The following SYCP1 variants were observed in gnomAD, a reference collection of about 807,000 sequenced individuals.
SYCP1 encodes the protein cancer/testis antigen 8.
In SYCP1, 64 loss-of-function variants were observed where a neutral mutation model predicts 153.1. The observed-to-expected ratio is 0.42, with a 90% CI of 0.34 to 0.51. The LOEUF (loss-of-function observed/expected upper bound fraction) is 0.51, where lower values mean the gene tolerates loss of function less well. SYCP1 is among the 20% of genes least tolerant of loss of function. SYCP1 has a pLI of 0.06. For missense variants in SYCP1, 997 were observed against 1,049.0 expected (o/e 0.95, Z 0.68); for synonymous variants, 384 against 341.8 (o/e 1.12, Z -1.36).
intron 16 of SYCP1, among the ~76,000 whole-genome samples, chr1:114,895,956 ACTGT>A (rs1667033263): frequency 6.6e-6 from 1 of 152,148 alleles, no homozygotes; most frequent in Admixed American, 6.5e-5. Flanking sequence ...GGGTCAGCAA[ACTGT>A]CTGTAGAGGA....
chr1:114,922,256 A>C (rs1025244470), intron 20 of SYCP1, among the ~76,000 whole-genome samples: 1 of 152,096 alleles, frequency 6.6e-6, no homozygotes, highest in African/African-American at 2.4e-5. Flanking sequence ...TTTAAGGCCA[A>C]TGACTCTTAG....
intron 16 of SYCP1, among the ~76,000 whole-genome samples, chr1:114,898,189 T>G (rs1667185197): frequency 6.6e-6 from 1 of 152,200 alleles, no homozygotes; most frequent in Admixed American, 6.5e-5. Flanking sequence ...AAAATGTGTC[T>G]CAGGGGTGTT....
At chr1:114,913,916 G>T in intron 19 of SYCP1, 59 bp from the exon 20 acceptor site, 2 of 1,292,548 alleles carry the variant, frequency 1.5e-6, no homozygotes, top group East Asian at 2.7e-5. Flanking sequence ...TTAAATAGTA[G>T]TTTAAATTTT....
At chr1:114,855,388 G>A in intron 1 of SYCP1, 53 bp from the exon 2 acceptor site, 5 of 1,077,880 alleles carry the variant, frequency 4.6e-6, no homozygotes, top group Non-Finnish European at 6.9e-6. Flanking sequence ...GTGTATTCAT[G>A]ACACTCGGTG....
intron 8 of SYCP1, among the ~76,000 whole-genome samples, chr1:114,872,600 T>C (rs984362299): frequency 4.6e-5 from 7 of 152,160 alleles, no homozygotes; most frequent in African/African-American, 1.7e-4. Flanking sequence ...TCTTAGTCAT[T>C]ATTGTTACAA....
chr1:114,977,539 G>C lies in SYCP1; in HGVS notation c.2323-18G>C. On this transcript the variant is annotated intron_variant, in intron 27 of 31. Coordinates refer to ENST00000369522, the MANE Select transcript of SYCP1 (RefSeq NM_003176.4). ...TGTGATGTTTATGTTACTTGTACTT[G>C]ATATTTATTTTTAATAGGAAAAACT... 1 of 1,348,242 alleles carries C rather than the reference G, an allele frequency of 7.4e-7. No homozygotes were observed. The highest frequency in any genetic ancestry group is 1.5e-5 in the South Asian group (1 of 68,884). 83.5% of individuals were successfully genotyped at this position (1,348,242 alleles called of 1,614,324 possible).
At position 114,886,126 on chromosome 1, in the gene SYCP1, G is replaced by C. The variant is rs769789316; in HGVS notation, c.1007G>C (p.Ser336Thr). The C allele has an allele frequency of 5.7e-6, 9 of 1,578,052 alleles. No individual in the cohort carries two copies. The African/African-American group carries it at 1.1e-4, about 19-fold the overall frequency. The change falls in exon 14 of 32, where the codon AGT (serine) becomes ACT (threonine). Residue 336 changes from serine (S) to threonine (T), a missense_variant and splice_region_variant. Around this residue, in one of 2 missense-constraint regions of SYCP1, gnomAD observed 285 missense variants for 366.1 expected, o/e 0.78. Transcript: ENST00000369522. ...TGTTTTATACTTTATTTCATTTAGAGTACTCAAAAGGCTTTAGAGGAAGAT... is the reference window on the plus strand; with the variant it reads ...TGTTTTATACTTTATTTCATTTAGACTACTCAAAAGGCTTTAGAGGAAGAT... ...DIKVSLQRSV[S>T]TQKALEEDLQ...
rs969974954 is a variant in SYCP1, at chr1:114,994,883, C to A, written c.2795C>A (p.Ala932Asp). The A allele has an allele frequency of 1.2e-5, 18 of 1,461,752 alleles. No homozygotes were observed. Among genetic ancestry groups the A allele is most frequent in the African/African-American group, 1.7e-5 (1 of 57,984 alleles). 90.5% of individuals were successfully genotyped at this position (1,461,752 alleles called of 1,614,324 possible). The change falls in exon 32 of 32, where the codon GCC (alanine) becomes GAC (aspartate). Residue 932 changes from alanine to aspartate, a missense_variant and splice_region_variant. Transcript: ENST00000369522. ...TTTTAAATTTTATTTTGTACTCAGG[C>A]CCCTTCATCTCTAACAACCCCTGGA... ...SHLCVKTPKKAPSSLTTPGST... is the reference protein window; with the variant it reads ...SHLCVKTPKKDPSSLTTPGST...
At chr1:114,879,723 A>G (rs1267395023) in intron 12 of SYCP1, among the ~76,000 whole-genome samples, 1 of 152,208 alleles carries the variant, frequency 6.6e-6, no homozygotes, top group African/African-American at 2.4e-5. Context: ...TGATTCCTGT[A>G]GACTCATACC....
Position 114,860,747 on chromosome 1 carries a change from C to T in SYCP1, c.536C>T (p.Thr179Ile), listed in dbSNP as rs150451249. The change falls in exon 8 of 32, where the codon ACA becomes ATA. Residue 179 changes from threonine (T) to isoleucine (I), a missense_variant. Physicochemically the swap from Thr to Ile is moderately conservative, Grantham distance 89. Transcript: ENST00000369522. ...TTCCTTTGTTTCAGGAATAATGCCA[C>T]AAGGCATTTATGTAATCTACTCAAA... ...NKDLIKENNA[T>I]RHLCNLLKET... The T allele has an allele frequency of 1.4e-3, 2,288 of 1,594,154 alleles. 7 individuals are homozygous for T. The highest frequency in any genetic ancestry group is 0.011 in the Middle Eastern group (53 of 4,812).
intron 23 of SYCP1, among the ~76,000 whole-genome samples, chr1:114,940,091 G>A (rs940435069): frequency 6.6e-6 from 1 of 151,668 alleles, no homozygotes; most frequent in South Asian, 2.1e-4. Context: ...TGTCAATTTG[G>A]GAAGTCTTTT....
chr1:114,946,229 A>G, intron 25 of SYCP1, 60 bp from the exon 26 acceptor site: 1 of 745,602 alleles, frequency 1.3e-6, no homozygotes, highest in Non-Finnish European at 2.0e-6. Context: ...ATGTTAGGAT[A>G]CCAATCTTAT....
At chr1:114,913,197 G>T in intron 19 of SYCP1, 47 bp downstream of exon 19, 1 of 1,484,772 alleles carries the variant, frequency 6.7e-7, no homozygotes, top group Non-Finnish European at 9.4e-7. Context: ...CTTCCAATTA[G>T]CAGGTTAGAA....
chr1:114,914,315 T>C (rs893939695), intron 20 of SYCP1, among the ~76,000 whole-genome samples: 5 of 151,870 alleles, frequency 3.3e-5, no homozygotes, highest in Admixed American at 6.6e-5. Context: ...AGAAAATATA[T>C]TAATCACATT....
intron 8 of SYCP1, among the ~76,000 whole-genome samples, chr1:114,863,846 A>G (rs1209963567): frequency 6.6e-6 from 1 of 152,028 alleles, no homozygotes; most frequent in African/African-American, 2.4e-5. Flanking sequence ...GCTGGAAACC[A>G]TCATTCTCAG....
chr1:114,863,873 C>T (rs1664540986), intron 8 of SYCP1, among the ~76,000 whole-genome samples: 1 of 148,494 alleles, frequency 6.7e-6, no homozygotes, highest in Non-Finnish European at 1.5e-5. Flanking sequence ...AATACAGGAA[C>T]AGAAAACCAA....
intron 8 of SYCP1, among the ~76,000 whole-genome samples, chr1:114,862,537 A>G (rs1276954599): frequency 1.3e-5 from 2 of 151,810 alleles, no homozygotes; most frequent in African/African-American, 4.8e-5. Flanking sequence ...TTTAGTAGAG[A>G]TGGGATTTTA....
intron 15 of SYCP1, among the ~76,000 whole-genome samples, chr1:114,889,392 A>C (rs1248245117): frequency 6.6e-6 from 1 of 152,206 alleles, no homozygotes; most frequent in Non-Finnish European, 1.5e-5. Context: ...AATGATCGCC[A>C]TTCTAACTGC....
chr1:114,905,396 A>C (rs2101645271), intron 16 of SYCP1, among the ~76,000 whole-genome samples: 1 of 152,238 alleles, frequency 6.6e-6, no homozygotes, highest in African/African-American at 2.4e-5. Context: ...TAACCCCCAG[A>C]CCCAAGGATT....
Sources: allele counts gnomAD v4.1 joint callset (sites outside exome capture counted in the v4.1 genomes callset), GRCh38; gene constraint gnomAD v4.1.1; regional missense constraint gnomAD v4.1.1; transcripts MANE v1.5; gene names NCBI Gene and HGNC (gene_info 2026-07-23, HGNC 2026-07-21).